Variants in STK32B observed in about 807,000 individuals in gnomAD.
STK32B encodes serine/threonine-protein kinase 32B.
Under a neutral mutation model 52.6 loss-of-function variants are expected in STK32B, and 43 were observed. The observed-to-expected ratio is 0.82, with a 90% CI of 0.64 to 1.05. The LOEUF is 1.05. Among genes scored for constraint, STK32B ranks in the 50% least tolerant of loss-of-function variants. The pLI is 0.00. For missense variants in STK32B, 621 were observed against 534.6 expected (o/e 1.16, Z -1.59); for synonymous variants, 238 against 204.3 (o/e 1.17, Z -1.41).
chr4:5,286,406 C>CT (rs11376917), intron 3 of STK32B, among the ~76,000 whole-genome samples: 11,169 of 152,148 alleles, frequency 0.073, 438 homozygotes, highest in South Asian at 0.099. Flanking sequence ...TGGGAACACA[C>CT]TAAGTGTTCT....
intron 3 of STK32B, among the ~76,000 whole-genome samples, chr4:5,204,408 GTTTGTT>G (rs1469990993): frequency 6.6e-6 from 1 of 151,696 alleles, no homozygotes; most frequent in Non-Finnish European, 1.5e-5. Flanking sequence ...TTTTTTGTTT[GTTTGTT>G]TTTGTTTTTT....
chr4:5,468,654 GAC>G (rs1023136603), intron 11 of STK32B, among the ~76,000 whole-genome samples: 2 of 152,228 alleles, frequency 1.3e-5, no homozygotes, highest in African/African-American at 4.8e-5. Flanking sequence ...TGGGAAAAGA[GAC>G]ACAGGGAATC....
At chr4:5,293,664 G>A (rs1181116104) in intron 3 of STK32B, among the ~76,000 whole-genome samples, 1 of 150,160 alleles carries the variant, frequency 6.7e-6, no homozygotes, top group Non-Finnish European at 1.5e-5. Flanking sequence ...ATTTGTTTAA[G>A]TTCCTTGTAG....
At chr4:5,306,271 C>G (rs1729919761) in intron 3 of STK32B, among the ~76,000 whole-genome samples, 3 of 152,204 alleles carry the variant, frequency 2.0e-5, no homozygotes, top group South Asian at 4.1e-4. Flanking sequence ...GACTTTCTGT[C>G]TTGATGACCT....
intron 5 of STK32B, among the ~76,000 whole-genome samples, chr4:5,409,315 T>C (rs1737871147): frequency 6.6e-6 from 1 of 152,136 alleles, no homozygotes; most frequent in Admixed American, 6.5e-5. Flanking sequence ...GTGTCCAGCA[T>C]GGTGCCTCCT....
chr4:5,152,251 A>G (rs553627710), intron 2 of STK32B, among the ~76,000 whole-genome samples: 1 of 152,342 alleles, frequency 6.6e-6, no homozygotes, highest in East Asian at 1.9e-4. Context: ...TTTGTTGGTG[A>G]AGGTTGAGAT....
chr4:5,196,495 C>T (rs867936825), intron 3 of STK32B, among the ~76,000 whole-genome samples: 5 of 151,648 alleles, frequency 3.3e-5, no homozygotes, highest in African/African-American at 9.7e-5. Flanking sequence ...GGCCACGGTG[C>T]GTAGATCACG....
chr4:5,135,460 T>C (rs1186608138), intron 1 of STK32B, among the ~76,000 whole-genome samples: 1 of 152,182 alleles, frequency 6.6e-6, no homozygotes, highest in Non-Finnish European at 1.5e-5. Flanking sequence ...AACAATAAAA[T>C]AGTTAGCATT....
At chr4:5,157,254 G>A (rs1353088964) in intron 2 of STK32B, among the ~76,000 whole-genome samples, 2 of 149,138 alleles carry the variant, frequency 1.3e-5, no homozygotes, top group African/African-American at 5.0e-5. Context: ...AATGTTCACG[G>A]ATCACTGCTC....
At chr4:5,481,088 G>C (rs531089295) in intron 11 of STK32B, among the ~76,000 whole-genome samples, 41 of 152,242 alleles carry the variant, frequency 2.7e-4, no homozygotes, top group Middle Eastern at 3.4e-3. Context: ...AATCCTTTTG[G>C]TATATACCCA....
chr4:5,260,533 A>C (rs1253826109), intron 3 of STK32B, among the ~76,000 whole-genome samples: 1 of 152,150 alleles, frequency 6.6e-6, no homozygotes, highest in Non-Finnish European at 1.5e-5. Flanking sequence ...AGGAGGCACC[A>C]TTTGATCTAA....
chr4:5,484,371 T>C (rs1395481318), intron 11 of STK32B, among the ~76,000 whole-genome samples: 1 of 152,210 alleles, frequency 6.6e-6, no homozygotes, highest in African/African-American at 2.4e-5. Flanking sequence ...TTGATCTTTG[T>C]TGGTTTAAAG....
chr4:5,154,118 T>C (rs1553838453), intron 2 of STK32B, among the ~76,000 whole-genome samples: 1 of 152,152 alleles, frequency 6.6e-6, no homozygotes, highest in Non-Finnish European at 1.5e-5. Flanking sequence ...TGAGACAGTA[T>C]GTTATTGATG....
intron 3 of STK32B, among the ~76,000 whole-genome samples, chr4:5,251,133 G>T (rs1343259910): frequency 2.6e-5 from 4 of 152,044 alleles, no homozygotes; most frequent in African/African-American, 9.7e-5. Context: ...ACCTTTTCTA[G>T]GCCCAATGTC....
the STK32B span, among the ~76,000 whole-genome samples, chr4:5,041,653 C>A: frequency 2.0e-5 from 3 of 152,136 alleles, no homozygotes; most frequent in Admixed American, 2.0e-4. Context: ...CACACGCACA[C>A]ATAAAGACTC....
intron 2 of STK32B, among the ~76,000 whole-genome samples, chr4:5,163,036 T>C (rs188843155): frequency 2.6e-5 from 4 of 152,320 alleles, no homozygotes; most frequent in Admixed American, 1.3e-4. Flanking sequence ...CTCTGGGCCA[T>C]GTGGGACATG....
At position 5,368,581 on chromosome 4, in the gene STK32B, G is replaced by A. The variant is rs551470001; in HGVS notation, c.435-29626G>A. ...GAGCACTCAGGTACAGAGAGGCACT[G>A]CAATGTGCCCAAGGTCATAGGGGAT... On this transcript the variant is annotated intron_variant, in intron 4 of 11. Coordinates refer to ENST00000282908, the MANE Select transcript of STK32B (RefSeq NM_018401.3). Among the ~76,000 whole-genome samples, 3 of 152,354 alleles carry A rather than the reference G, an allele frequency of 2.0e-5. 1 individual carries two copies. The highest frequency in any genetic ancestry group is 7.2e-5 in the African/African-American group (3 of 41,582).
rs566492278 is a variant in STK32B at position 5,316,364 on chromosome 4, ATT to A, written c.261-14855_261-14854del. 1.6e-3 allele frequency among the ~76,000 whole-genome samples: 71 copies of A among 45,170 alleles called. 1 individual carries two copies. Among genetic ancestry groups the A allele is most frequent in the Middle Eastern group, 0.028 (1 of 36 alleles). The allele number at this position is 45,170 out of a possible 152,430, so 29.6% of individuals were successfully genotyped here. A position where few individuals can be genotyped will look rare whatever the true frequency, so the allele number is the denominator to read the frequency against. ...ATATATTATATCATATATTATATATATTATATATATTAATTATATATATAATA... is the reference window on the plus strand; with the variant it reads ...ATATATTATATCATATATTATATATAATATATATTAATTATATATATAATA... On this transcript the variant is annotated intron_variant, in intron 3 of 11. Coordinates refer to ENST00000282908, the MANE Select transcript of STK32B (RefSeq NM_018401.3).
chr4:5,398,266 T>G lies in STK32B; in HGVS notation c.472+22T>G, dbSNP rs774889581. ...CACGGTAAGCCTGCTACTAATCCTT[T>G]ACAGGGACTCTCAGTGGAAAGTTTG... is the stretch of plus-strand genomic sequence containing the variant. On this transcript the variant is annotated intron_variant, in intron 5 of 11. Coordinates refer to ENST00000282908, the MANE Select transcript of STK32B (RefSeq NM_018401.3). The surrounding 1 kb of genome is among the most constrained non-coding windows in gnomAD (Gnocchi z 4.9). 1 of 1,613,738 alleles carries G rather than the reference T, an allele frequency of 6.2e-7. No individual in the cohort carries two copies. Among genetic ancestry groups the G allele is most frequent in the Non-Finnish European group, 8.5e-7 (1 of 1,179,830 alleles).
Sources: allele counts gnomAD v4.1 joint callset (sites outside exome capture counted in the v4.1 genomes callset), GRCh38; gene constraint gnomAD v4.1.1; non-coding constraint Gnocchi (gnomAD v3.1); transcripts MANE v1.5; gene names NCBI Gene and HGNC (gene_info 2026-07-23, HGNC 2026-07-21).